The following CDH9 variants were observed in gnomAD, a reference collection of about 807,000 sequenced individuals.
CDH9 encodes the protein cadherin 9, also known as cadherin-9.
CDH9 carries 28 observed loss-of-function variants against 70.9 expected under a neutral mutation model. The observed-to-expected ratio is 0.40, with a 90% CI of 0.29 to 0.54. The LOEUF (loss-of-function observed/expected upper bound fraction) is 0.54. Ranked by LOEUF, CDH9 falls within the 20% of genes least tolerant of loss-of-function variation. CDH9 has a pLI of 0.59. For synonymous variants in CDH9, 409 were observed against 343.1 expected, an observed-to-expected ratio of 1.19 and a Z score of -2.12; for missense variants, 874 against 984.4, an observed-to-expected ratio of 0.89 and a Z score of 1.50.
chr5:26,988,566 T>C (rs1742528232), intron 1 of CDH9, among the ~76,000 whole-genome samples, 184 bp from the exon 2 acceptor site: 1 of 151,952 alleles, frequency 6.6e-6, no homozygotes, highest in Admixed American at 6.6e-5. Flanking sequence ...TAGAAAGACA[T>C]ATACAACTCA....
chr5:26,946,339 G>A (rs1419161394), intron 2 of CDH9, among the ~76,000 whole-genome samples: 3 of 152,054 alleles, frequency 2.0e-5, no homozygotes, highest in Non-Finnish European at 4.4e-5. Flanking sequence ...TTGATATTGA[G>A]CCATGTTTCT....
chr5:27,032,705 A>G (rs1017538025), intron 1 of CDH9, among the ~76,000 whole-genome samples: 2 of 151,598 alleles, frequency 1.3e-5, no homozygotes, highest in Non-Finnish European at 3.0e-5. Context: ...CACAAGAAAA[A>G]AGCAATACTA....
chr5:26,988,564 CAT>C (rs1742528184), intron 1 of CDH9, among the ~76,000 whole-genome samples, 182 bp from the exon 2 acceptor site: 1 of 151,874 alleles, frequency 6.6e-6, no homozygotes, highest in Non-Finnish European at 1.5e-5. Flanking sequence ...AGTAGAAAGA[CAT>C]ATACAACTCA....
rs561779331 is a variant in CDH9 at position 27,026,464 on chromosome 5, G to A, written c.-50+11999C>T. Among the ~76,000 whole-genome samples the A allele has an allele frequency of 2.2e-4, 33 of 151,798 alleles. No homozygotes were observed. In the South Asian group the frequency reaches 5.8e-3, roughly 27 times the overall value. The stretch of plus-strand genomic sequence containing the variant: ...TTCTCCAAGAAACCTCCCTCACCAA[G>A]TTCATAAAGCTCTACTTACCTCTCC... On this transcript the variant is annotated intron_variant, in intron 1 of 11. Coordinates refer to ENST00000231021, the MANE Select transcript of CDH9 (RefSeq NM_016279.4).
intron 1 of CDH9, among the ~76,000 whole-genome samples, chr5:26,994,829 GC>G (rs1337383579): frequency 2.0e-5 from 3 of 152,124 alleles, no homozygotes; most frequent in Non-Finnish European, 2.9e-5. Context: ...TTAAGCACTT[GC>G]CCAATTCACG....
At chr5:27,023,787 C>T (rs1579519058) in intron 1 of CDH9, among the ~76,000 whole-genome samples, 1 of 151,992 alleles carries the variant, frequency 6.6e-6, no homozygotes, top group Non-Finnish European at 1.5e-5. Flanking sequence ...CATGGTGGCT[C>T]AAGCCTGTAA....
intron 1 of CDH9, among the ~76,000 whole-genome samples, chr5:27,029,592 C>T (rs1026870580): frequency 1.3e-5 from 2 of 151,932 alleles, no homozygotes; most frequent in African/African-American, 4.8e-5. Flanking sequence ...AGCCTCATCA[C>T]AGCACAGTAC....
chr5:26,958,808 G>C (rs1244113531), intron 2 of CDH9, among the ~76,000 whole-genome samples: 2 of 151,996 alleles, frequency 1.3e-5, no homozygotes, highest in African/African-American at 4.8e-5. Flanking sequence ...ATATTAATAA[G>C]AATGACTGGA....
At chr5:26,981,099 T>G (rs1378051853) in intron 2 of CDH9, among the ~76,000 whole-genome samples, 1 of 152,100 alleles carries the variant, frequency 6.6e-6, no homozygotes, top group Non-Finnish European at 1.5e-5. Context: ...GAAATGCCAT[T>G]GGCTAATATG....
rs1336864506 is a variant in CDH9, at chr5:27,004,033, A to AGAG, written c.-49-15652_-49-15651insCTC. On this transcript the variant is annotated intron_variant, in intron 1 of 11. Coordinates refer to ENST00000231021, the MANE Select transcript of CDH9 (RefSeq NM_016279.4). Reference sequence around the variant, plus strand: ...TAAAAAATTACGAAGAAGAAGAAGAATAAAGCAAGTTGAGTGGAGGGAGGA... The same window carrying AGAG: ...TAAAAAATTACGAAGAAGAAGAAGAAGAGTAAAGCAAGTTGAGTGGAGGGAGGA... Among the ~76,000 whole-genome samples, 5 of 151,756 alleles carry AGAG rather than the reference A, an allele frequency of 3.3e-5. No homozygotes were observed. The Admixed American group carries it at 3.3e-4, about 10-fold the overall frequency.
At chr5:27,030,540 A>G (rs1431138841) in intron 1 of CDH9, among the ~76,000 whole-genome samples, 1 of 151,156 alleles carries the variant, frequency 6.6e-6, no homozygotes, top group Non-Finnish European at 1.5e-5. Flanking sequence ...AAAAAAAAAA[A>G]GCTGTACTGA....
At chr5:26,949,123 T>C (rs1303179214) in intron 2 of CDH9, among the ~76,000 whole-genome samples, 3 of 152,186 alleles carry the variant, frequency 2.0e-5, no homozygotes, top group Non-Finnish European at 2.9e-5. Context: ...AATTTACCAG[T>C]GCATATTTAT....
chr5:27,037,420 G>A (rs182885157), intron 1 of CDH9, among the ~76,000 whole-genome samples: 2 of 151,874 alleles, frequency 1.3e-5, no homozygotes, highest in East Asian at 3.9e-4. Flanking sequence ...AAAAGTTGAT[G>A]ATACAAATAA....
chr5:26,923,153 A>G (rs1199094545), intron 2 of CDH9, among the ~76,000 whole-genome samples: 3 of 151,316 alleles, frequency 2.0e-5, no homozygotes, highest in African/African-American at 7.3e-5. Flanking sequence ...AAAGCAATCT[A>G]TTGTATTCAG....
At chr5:26,907,253 T>C (rs1001905182) in intron 3 of CDH9, among the ~76,000 whole-genome samples, 4 of 152,238 alleles carry the variant, frequency 2.6e-5, no homozygotes, top group Admixed American at 2.6e-4. Context: ...TGCTGCTTTT[T>C]ATTCTGGTAT....
chr5:26,886,107 A>T, intron 9 of CDH9, 24 bp from the exon 10 acceptor site: 1 of 1,579,376 alleles, frequency 6.3e-7, no homozygotes, highest in East Asian at 2.2e-5. Context: ...TAATTAATTA[A>T]TTAATTAAGC....
intron 2 of CDH9, among the ~76,000 whole-genome samples, chr5:26,923,266 G>C (rs1741279175): frequency 6.6e-6 from 1 of 151,456 alleles, no homozygotes. Context: ...AGCAGGAGTA[G>C]CTATATTTAG....
chr5:26,946,744 G>A (rs971608643), intron 2 of CDH9, among the ~76,000 whole-genome samples: 6 of 152,156 alleles, frequency 3.9e-5, no homozygotes, highest in African/African-American at 1.2e-4. Flanking sequence ...TCATGATTCT[G>A]TGGCTACTTG....
rs200072741 is a variant in CDH9, at chr5:26,893,707, A to T, written c.1254-3143T>A. On this transcript the variant is annotated intron_variant, in intron 7 of 11. Transcript: ENST00000231021. Reference sequence around the variant, plus strand: ...TTTTATTTTATTTTATTTTATTTTTATTTTTGGAAGCAAATGTCATGCTGG... The same window carrying T: ...TTTTATTTTATTTTATTTTATTTTTTTTTTTGGAAGCAAATGTCATGCTGG... 1.8e-4 allele frequency among the ~76,000 whole-genome samples: 16 copies of T among 88,424 alleles called. No homozygotes were observed. In the South Asian group the frequency reaches 5.8e-3, roughly 32 times the overall value. 58.0% of individuals were successfully genotyped at this position (88,424 alleles called of 152,430 possible).
Sources: gnomAD v4.1 joint callset for allele counts (sites outside exome capture counted in the v4.1 genomes callset) on GRCh38, gnomAD v4.1.1 for gene constraint, MANE v1.5 for transcripts, NCBI Gene and HGNC (gene_info 2026-07-23, HGNC 2026-07-21) for gene names.